The following ELMO1 variants were observed in gnomAD, a reference collection of about 807,000 sequenced individuals.
The protein encoded by ELMO1 is engulfment and cell motility protein 1.
Under a neutral mutation model 98.9 loss-of-function variants are expected in ELMO1, and 26 were observed. That is an observed-to-expected ratio of 0.26 (90% confidence interval 0.19 to 0.36). ELMO1 has a LOEUF of 0.36. Ranked by LOEUF, ELMO1 falls within the 10% of genes least tolerant of loss-of-function variation. The probability of loss-of-function intolerance (pLI) is 1.00; values close to 1 mark genes in which losing one functional copy is unlikely to be tolerated. For synonymous variants in ELMO1, 346 were observed against 346.0 expected, an observed-to-expected ratio of 1.00 and a Z score of 0.00; for missense variants, 627 against 935.2, an observed-to-expected ratio of 0.67 and a Z score of 4.30.
intron 2 of ELMO1, among the ~76,000 whole-genome samples, chr7:37,332,209 T>A (rs916634136): frequency 6.6e-6 from 1 of 152,228 alleles, no homozygotes; most frequent in Non-Finnish European, 1.5e-5. Flanking sequence ...TAAAGCCAAT[T>A]TATAAAATGT....
At chr7:37,166,224 T>C (rs1171588524) in intron 13 of ELMO1, among the ~76,000 whole-genome samples, 1 of 152,188 alleles carries the variant, frequency 6.6e-6, no homozygotes. Flanking sequence ...TTGATTCTTC[T>C]CTCTTTTTTT....
rs1035886792 is a variant in ELMO1, at chr7:37,423,611, A to G, written c.-74+25064T>C. 4.0e-5 allele frequency among the ~76,000 whole-genome samples: 6 copies of G among 151,138 alleles called. No individual in the cohort carries two copies. In the South Asian group the frequency reaches 1.3e-3, roughly 32 times the overall value. On this transcript the variant is annotated intron_variant, in intron 1 of 21. Transcript: ENST00000310758. ...AACAAACAAACAAACAAACAAACAA[A>G]CACCTCACAGTATTCTACTGTATTT...
chr7:37,164,248 G>A (rs1789465003), intron 13 of ELMO1, among the ~76,000 whole-genome samples: 1 of 152,216 alleles, frequency 6.6e-6, no homozygotes, highest in Non-Finnish European at 1.5e-5. Flanking sequence ...CCCTTTGTCA[G>A]ATAAGTAGGT....
chr7:37,168,346 A>G (rs1789876938), intron 13 of ELMO1, among the ~76,000 whole-genome samples: 2 of 152,214 alleles, frequency 1.3e-5, no homozygotes. Context: ...TGTCAAAGTC[A>G]TTCTCCGTCC....
intron 6 of ELMO1, among the ~76,000 whole-genome samples, chr7:37,247,740 T>C (rs1399011816): frequency 2.0e-5 from 3 of 152,162 alleles, no homozygotes; most frequent in Non-Finnish European, 4.4e-5. Context: ...ACGGGCCACC[T>C]GGGTGCAAGG....
intron 16 of ELMO1, among the ~76,000 whole-genome samples, chr7:36,914,278 T>C (rs1784535209): frequency 6.6e-6 from 1 of 152,218 alleles, no homozygotes; most frequent in Admixed American, 6.5e-5. Flanking sequence ...AACTTAGTAT[T>C]GTTTGTAGCT....
At chr7:37,023,539 C>CA (rs1794398376) in intron 15 of ELMO1, among the ~76,000 whole-genome samples, 1 of 152,134 alleles carries the variant, frequency 6.6e-6, no homozygotes, top group Non-Finnish European at 1.5e-5. Context: ...TGAAGTTGGG[C>CA]AGGGGGTACC....
At chr7:37,256,779 GGAAGGGA>G (rs1230535746) in intron 6 of ELMO1, among the ~76,000 whole-genome samples, 2 of 141,516 alleles carry the variant, frequency 1.4e-5, no homozygotes, top group Admixed American at 7.0e-5. Flanking sequence ...GAGGAGGAAG[GGAAGGGA>G]GAAGGGAGGG....
chr7:37,146,561 C>T (rs957047079), intron 13 of ELMO1, among the ~76,000 whole-genome samples: 2 of 152,172 alleles, frequency 1.3e-5, no homozygotes, highest in Non-Finnish European at 2.9e-5. Flanking sequence ...GTTGCTTACA[C>T]ATTTGAATAA....
chr7:37,156,788 A>G (rs1788799807), intron 13 of ELMO1, among the ~76,000 whole-genome samples: 1 of 152,256 alleles, frequency 6.6e-6, no homozygotes, highest in African/African-American at 2.4e-5. Flanking sequence ...ATCAATAGAA[A>G]AACAGGGAAT....
chr7:37,331,432 T>C (rs1336000795), intron 2 of ELMO1, among the ~76,000 whole-genome samples: 1 of 147,516 alleles, frequency 6.8e-6, no homozygotes, highest in Admixed American at 7.0e-5. Context: ...TCCGCCCGCC[T>C]CAGCCTCCCA....
intron 15 of ELMO1, among the ~76,000 whole-genome samples, chr7:37,029,756 G>A (rs1335099712): frequency 6.6e-6 from 1 of 152,072 alleles, no homozygotes; most frequent in Admixed American, 6.5e-5. Flanking sequence ...GTATTCCTAC[G>A]AATAAAACAT....
rs910054786 is a variant in ELMO1 at position 36,916,661 on chromosome 7, G to C, written c.1438-21644C>G. Among the ~76,000 whole-genome samples the C allele has an allele frequency of 3.3e-5, 5 of 152,344 alleles. No individual in the cohort carries two copies. The South Asian group carries it at 1.0e-3, about 32-fold the overall frequency. On this transcript the variant is annotated intron_variant, in intron 16 of 21. Transcript: ENST00000310758. ...AAAACCAAGAAGGCAACACTTGTGT[G>C]GGCTAAATTGAGGAGGGGGCCTGTG...
intron 4 of ELMO1, among the ~76,000 whole-genome samples, chr7:37,272,093 G>A (rs111485325): frequency 6.6e-6 from 1 of 152,124 alleles, no homozygotes; most frequent in African/African-American, 2.4e-5. Flanking sequence ...AGGAATATGG[G>A]TCCCAAGTAT....
At chr7:37,191,188 C>CAAAAAA (rs70975003) in intron 13 of ELMO1, among the ~76,000 whole-genome samples, 2 of 94,054 alleles carry the variant, frequency 2.1e-5, no homozygotes, top group Non-Finnish European at 3.9e-5. Context: ...GACTCTGTCT[C>CAAAAAA]AAAAAAAAAA....
chr7:37,292,762 AG>A (rs1389271604), intron 4 of ELMO1, among the ~76,000 whole-genome samples: 2 of 90,328 alleles, frequency 2.2e-5, no homozygotes, highest in East Asian at 3.6e-4. Context: ...CCGCCCGGCC[AG>A]CCACCCCGTC....
At chr7:37,375,618 C>A in intron 1 of ELMO1, 1 of 1,150,826 alleles carries the variant, frequency 8.7e-7, no homozygotes, top group African/African-American at 1.5e-5. Context: ...TGCCTAAGCA[C>A]CAGGAGCTGG....
chr7:36,986,213 G>C (rs1459989164), intron 16 of ELMO1: 1 of 985,460 alleles, frequency 1.0e-6, no homozygotes, highest in African/African-American at 1.7e-5. Context: ...GTCGGGGAAA[G>C]ATCAGCCAAT....
chr7:37,283,786 T>C (rs1797259192), intron 4 of ELMO1, among the ~76,000 whole-genome samples: 1 of 152,232 alleles, frequency 6.6e-6, no homozygotes, highest in Non-Finnish European at 1.5e-5. Flanking sequence ...GACACGTCTA[T>C]AGTGCTGCAC....
Sources: gnomAD v4.1 joint callset for allele counts (sites outside exome capture counted in the v4.1 genomes callset) on GRCh38, gnomAD v4.1.1 for gene constraint, MANE v1.5 for transcripts, NCBI Gene and HGNC (gene_info 2026-07-23, HGNC 2026-07-21) for gene names.